LINC00237: variants seen among roughly 807,000 people sequenced by gnomAD.
LINC00237 encodes the protein long independently transcribed non-coding RNA 237, also known as long intergenic non-protein coding RNA 237.
At chr20:21,085,687 T>TG (rs1035850101) in exon 4 of LINC00237, among the ~76,000 whole-genome samples, 1 of 152,134 alleles carries the variant, frequency 6.6e-6, no homozygotes, top group Non-Finnish European at 1.5e-5. Context: ...AGGGGACATT[T>TG]GGGGGGCTTC....
At chr20:21,086,832 AC>A (rs2030715321) in intron 3 of LINC00237, among the ~76,000 whole-genome samples, 2 of 125,572 alleles carry the variant, frequency 1.6e-5, no homozygotes, top group Non-Finnish European at 3.2e-5. Context: ...TATAGTGTAT[AC>A]TATATATGTA....
intron 1 of LINC00237, among the ~76,000 whole-genome samples, chr20:21,104,938 G>A (rs928418148): frequency 6.6e-6 from 1 of 152,128 alleles, no homozygotes; most frequent in Non-Finnish European, 1.5e-5. Flanking sequence ...CCCCTTCCTT[G>A]GTGTTACCTC....
chr20:21,087,653 T>G (rs910813663), intron 3 of LINC00237: 2 of 152,214 alleles, frequency 1.3e-5, no homozygotes, highest in African/African-American at 4.8e-5. Flanking sequence ...TTGTTGGCAT[T>G]TTAGTTTGCA....
At chr20:21,104,851 G>A (rs754244801) in intron 1 of LINC00237, among the ~76,000 whole-genome samples, 2 of 152,108 alleles carry the variant, frequency 1.3e-5, no homozygotes, top group Non-Finnish European at 2.9e-5. Context: ...AGACACACAG[G>A]CGCGTACACA....
exon 3 of LINC00237, chr20:21,087,978 T>C (rs1043444914): frequency 6.6e-6 from 1 of 152,120 alleles, no homozygotes; most frequent in African/African-American, 2.4e-5. Context: ...TAATCCAAAC[T>C]TTAAGGGGAG....
exon 4 of LINC00237, among the ~76,000 whole-genome samples, chr20:21,085,829 G>C: frequency 6.6e-6 from 1 of 151,396 alleles, no homozygotes; most frequent in East Asian, 1.9e-4. Context: ...TGAAAACTCT[G>C]AAGAGTCTGT....
In LINC00237 at chr20:21,101,949, G is replaced by T. The variant is rs2030938239; in HGVS notation, n.88+4322C>A. On this transcript the variant is annotated intron_variant and non_coding_transcript_variant, in intron 1 of 3. Coordinates refer to ENST00000691244, the Ensembl canonical transcript of LINC00237. The surrounding 1 kb of genome is among the most constrained non-coding windows in gnomAD (Gnocchi z 4.3). ...AGGGGCGGCGATGGAGTAGCTCCGGGCTCTCCACGGACTCGATTGGACAGC... is the reference window on the plus strand; with the variant it reads ...AGGGGCGGCGATGGAGTAGCTCCGGTCTCTCCACGGACTCGATTGGACAGC... 6.6e-6 allele frequency among the ~76,000 whole-genome samples: 1 copy of T among 152,250 alleles called. No individual in the cohort carries two copies. Among genetic ancestry groups the T allele is most frequent in the Non-Finnish European group, 1.5e-5 (1 of 68,044 alleles).
chr20:21,097,121 C>A (rs1287320545), intron 1 of LINC00237, among the ~76,000 whole-genome samples: 2 of 152,176 alleles, frequency 1.3e-5, no homozygotes, highest in East Asian at 1.9e-4. Flanking sequence ...CTCTGAAGAA[C>A]CTGAACTTGC....
At chr20:21,106,189 G>A (rs926077532) in intron 1 of LINC00237, 5 of 152,494 alleles carry the variant, frequency 3.3e-5, no homozygotes, top group African/African-American at 1.2e-4. Flanking sequence ...GCTACCCTGA[G>A]CCCACACCTC....
At chr20:21,104,714 C>T (rs1165508737) in intron 1 of LINC00237, among the ~76,000 whole-genome samples, 1 of 152,202 alleles carries the variant, frequency 6.6e-6, no homozygotes, top group Non-Finnish European at 1.5e-5. Flanking sequence ...ACATCCTCTG[C>T]TAATTTGGGG....
intron 1 of LINC00237, chr20:21,093,945 T>C (rs1023294802): frequency 2.1e-4 from 32 of 152,308 alleles, no homozygotes; most frequent in African/African-American, 7.7e-4. Context: ...CCTTTCCATC[T>C]CCAACAGGCA....
chr20:21,096,827 A>G (rs892987300), intron 1 of LINC00237, among the ~76,000 whole-genome samples: 1 of 152,206 alleles, frequency 6.6e-6, no homozygotes, highest in African/African-American at 2.4e-5. Flanking sequence ...CTTTGTGGCC[A>G]AAGCAAATAG....
chr20:21,089,693 C>T (rs1044266302), intron 2 of LINC00237: 9 of 152,172 alleles, frequency 5.9e-5, no homozygotes, highest in Admixed American at 2.6e-4. Context: ...TCCAATTAAT[C>T]TCAGCCGACT....
At chr20:21,099,081 G>T (rs2030895942) in intron 1 of LINC00237, among the ~76,000 whole-genome samples, 1 of 152,206 alleles carries the variant, frequency 6.6e-6, no homozygotes, top group Admixed American at 6.5e-5. Context: ...CTCCTTTCCA[G>T]TTTGGGCCAA....
At chr20:21,096,002 T>A (rs538155862) in intron 1 of LINC00237, among the ~76,000 whole-genome samples, 1 of 152,356 alleles carries the variant, frequency 6.6e-6, no homozygotes, top group African/African-American at 2.4e-5. Flanking sequence ...AATGGTAACC[T>A]GCTTTATAAT....
At chr20:21,097,464 T>TA (rs531570006) in intron 1 of LINC00237, among the ~76,000 whole-genome samples, 254 of 150,644 alleles carry the variant, frequency 1.7e-3, no homozygotes, top group Non-Finnish European at 2.8e-3. Context: ...TATGTCAATT[T>TA]AAAAAAAAAA....
In LINC00237 at chr20:21,101,917, T is replaced by C. The variant is rs1220081980; in HGVS notation, n.88+4354A>G. Among the ~76,000 whole-genome samples, 1 of 152,144 alleles carries C rather than the reference T, an allele frequency of 6.6e-6. No individual in the cohort carries two copies. The highest frequency in any genetic ancestry group is 1.5e-5 in the Non-Finnish European group (1 of 68,022). On this transcript the variant is annotated intron_variant and non_coding_transcript_variant, in intron 1 of 3. Coordinates refer to ENST00000691244, the Ensembl canonical transcript of LINC00237. The surrounding 1 kb of genome is among the most constrained non-coding windows in gnomAD (Gnocchi z 4.3). ...GGCGAGGGGTGAGGGCGCGACCGCC[T>C]TGGGGCAGGGGCGGCGATGGAGTAG...
chr20:21,094,505 C>A (rs991109100), intron 1 of LINC00237, among the ~76,000 whole-genome samples: 4 of 152,154 alleles, frequency 2.6e-5, no homozygotes, highest in Non-Finnish European at 5.9e-5. Flanking sequence ...CGTGGACTAG[C>A]ATGATGGGAA....
chr20:21,086,108 A>G (rs1260295846), intron 3 of LINC00237, among the ~76,000 whole-genome samples: 1 of 152,188 alleles, frequency 6.6e-6, no homozygotes, highest in African/African-American at 2.4e-5. Context: ...TCAGAAGGAG[A>G]CATTATTTTT....
Sources: allele counts gnomAD v4.1 joint callset (sites outside exome capture counted in the v4.1 genomes callset), GRCh38; gene constraint gnomAD v4.1.1; non-coding constraint Gnocchi (gnomAD v3.1); transcripts MANE v1.5; gene names NCBI Gene and HGNC (gene_info 2026-07-23, HGNC 2026-07-21).